Variants in CFAP77 observed in about 807,000 individuals in gnomAD.
CFAP77 encodes the protein cilia and flagella associated protein 77.
Under a neutral mutation model 31.1 loss-of-function variants are expected in CFAP77, and 25 were observed. The observed-to-expected ratio is 0.80, with a 90% CI of 0.59 to 1.12. The LOEUF (loss-of-function observed/expected upper bound fraction) is 1.12, where lower values mean the gene tolerates loss of function less well. Ranked by LOEUF, CFAP77 falls within the 50% of genes most tolerant of loss-of-function variation. The pLI is 0.00. For synonymous variants in CFAP77, 151 were observed against 159.9 expected, an observed-to-expected ratio of 0.94 and a Z score of 0.42; for missense variants, 377 against 397.3, an observed-to-expected ratio of 0.95 and a Z score of 0.44.
rs140952411 is a variant in CFAP77 at position 132,522,178 on chromosome 9, A to C, written c.525-15423A>C. On this transcript the variant is annotated intron_variant, in intron 3 of 5. Transcript: ENST00000393216. ...GGTGTCTGGGAAAGTCTGGGGTCCT[A>C]TATGAAAATAGCCAGGGCCCCTGGA... 5.3e-5 allele frequency among the ~76,000 whole-genome samples: 8 copies of C among 152,300 alleles called. No homozygotes were observed. In the East Asian group the frequency reaches 1.5e-3, roughly 29 times the overall value.
chr9:132,559,346 CAAAAAA>C (rs35737685), intron 5 of CFAP77, among the ~76,000 whole-genome samples: 4 of 56,082 alleles, frequency 7.1e-5, no homozygotes, highest in South Asian at 6.7e-4. Context: ...CTCTGTCTTG[CAAAAAA>C]AAAAAAAAAA....
At chr9:132,492,989 C>G (rs923112872) in intron 1 of CFAP77, among the ~76,000 whole-genome samples, 2 of 152,168 alleles carry the variant, frequency 1.3e-5, no homozygotes, top group Non-Finnish European at 2.9e-5. Flanking sequence ...TGGGCGGACA[C>G]AGCCATGCTC....
chr9:132,524,671 C>T (rs762271619), intron 3 of CFAP77, among the ~76,000 whole-genome samples: 1 of 151,838 alleles, frequency 6.6e-6, no homozygotes, highest in Non-Finnish European at 1.5e-5. Context: ...TTTATTGAGG[C>T]AGAGTCTCGC....
chr9:132,510,988 C>T (rs923709491), intron 3 of CFAP77, among the ~76,000 whole-genome samples: 6 of 152,214 alleles, frequency 3.9e-5, no homozygotes, highest in South Asian at 2.1e-4. Flanking sequence ...AAAGGGGTCA[C>T]GCTGGGATCT....
chr9:132,520,755 T>A (rs1589903694), intron 3 of CFAP77, among the ~76,000 whole-genome samples: 1 of 152,224 alleles, frequency 6.6e-6, no homozygotes, highest in East Asian at 1.9e-4. Context: ...TGGCCTCAGG[T>A]CCGGTGTGGA....
intron 1 of CFAP77, among the ~76,000 whole-genome samples, chr9:132,410,847 T>C (rs955265622): frequency 6.6e-6 from 1 of 152,202 alleles, no homozygotes; most frequent in African/African-American, 2.4e-5. Context: ...AAGTCGTGGC[T>C]GCCAGCCCTC....
At chr9:132,474,929 A>G (rs1008020026) in intron 1 of CFAP77, among the ~76,000 whole-genome samples, 2 of 152,244 alleles carry the variant, frequency 1.3e-5, no homozygotes, top group African/African-American at 4.8e-5. Context: ...TAATAAGTCA[A>G]TAAGAAAGCT....
intron 1 of CFAP77, among the ~76,000 whole-genome samples, chr9:132,473,636 C>T (rs1385169147): frequency 6.6e-6 from 1 of 152,182 alleles, no homozygotes; most frequent in Admixed American, 6.5e-5. Flanking sequence ...TTCCCCAGTG[C>T]AGGCGAAGGG....
intron 3 of CFAP77, among the ~76,000 whole-genome samples, chr9:132,531,373 C>G (rs1044006256): frequency 1.6e-4 from 25 of 152,212 alleles, no homozygotes; most frequent in Non-Finnish European, 3.1e-4. Context: ...GAGCGCCCCC[C>G]GCGTGGGAGG....
chr9:132,447,851 C>G (rs754714956), intron 1 of CFAP77, among the ~76,000 whole-genome samples: 12 of 152,192 alleles, frequency 7.9e-5, no homozygotes, highest in Non-Finnish European at 1.6e-4. Flanking sequence ...AATAAAACCA[C>G]CCAACATTCA....
Position 132,421,017 on chromosome 9 carries a change from TTTTTTTTTGA to T in CFAP77, c.195+10552_195+10561del, listed in dbSNP as rs1158197302. 3.2e-3 allele frequency among the ~76,000 whole-genome samples: 448 copies of T among 142,030 alleles called. 3 individuals are homozygous for T. Among genetic ancestry groups the T allele is most frequent in the Admixed American group, 8.2e-3 (116 of 14,096 alleles). The allele number at this position is 142,030 out of a possible 152,430, so 93.2% of individuals were successfully genotyped here. A position where few individuals can be genotyped will look rare whatever the true frequency, so the allele number is the denominator to read the frequency against. ...TGGCTTGTGTCTTTTTTTTTTTTTT[TTTTTTTTTGA>T]GACAGAGTCTCGCTTTGTCACCCAG... On this transcript the variant is annotated intron_variant, in intron 1 of 5. Transcript: ENST00000393216.
intron 1 of CFAP77, among the ~76,000 whole-genome samples, chr9:132,494,703 G>A (rs1164307780): frequency 2.6e-5 from 4 of 152,196 alleles, no homozygotes; most frequent in Non-Finnish European, 5.9e-5. Context: ...CTTTCACCAA[G>A]TGCATGAGTA....
chr9:132,567,932 G>A (rs1381600839), intron 5 of CFAP77, among the ~76,000 whole-genome samples: 2 of 152,074 alleles, frequency 1.3e-5, no homozygotes, highest in Non-Finnish European at 2.9e-5. Flanking sequence ...ATTTCATCTC[G>A]AGATCTTTAA....
intron 5 of CFAP77, among the ~76,000 whole-genome samples, chr9:132,547,991 A>G (rs1852760774): frequency 6.6e-6 from 1 of 152,154 alleles, no homozygotes; most frequent in African/African-American, 2.4e-5. Flanking sequence ...CCTTCTGCCC[A>G]AAGATGGAGA....
intron 1 of CFAP77, among the ~76,000 whole-genome samples, chr9:132,469,908 C>G (rs912702734): frequency 6.8e-6 from 1 of 147,686 alleles, no homozygotes; most frequent in Non-Finnish European, 1.5e-5. Context: ...GGTGTGATCA[C>G]GGCTCACCAC....
chr9:132,493,073 G>A (rs186609213), intron 1 of CFAP77, among the ~76,000 whole-genome samples: 2 of 152,280 alleles, frequency 1.3e-5, no homozygotes, highest in Non-Finnish European at 1.5e-5. Context: ...GCCTCCGGCT[G>A]TGCCCAAGTG....
chr9:132,467,998 G>A (rs1489430510), intron 1 of CFAP77, among the ~76,000 whole-genome samples: 1 of 151,970 alleles, frequency 6.6e-6, no homozygotes, highest in Admixed American at 6.6e-5. Context: ...TGGATCTGAT[G>A]AGCTCACTCC....
At chr9:132,486,814 C>T (rs904217178) in intron 1 of CFAP77, among the ~76,000 whole-genome samples, 3 of 152,254 alleles carry the variant, frequency 2.0e-5, no homozygotes, top group Non-Finnish European at 4.4e-5. Context: ...CATGTAAATG[C>T]AAATGAAGGA....
At chr9:132,461,118 C>T (rs995649600) in intron 1 of CFAP77, among the ~76,000 whole-genome samples, 17 of 152,308 alleles carry the variant, frequency 1.1e-4, no homozygotes, top group South Asian at 2.1e-4. Context: ...CAAAGCCCTC[C>T]GCACAGTGCC....
Sources: gnomAD v4.1 joint callset for allele counts (sites outside exome capture counted in the v4.1 genomes callset) on GRCh38, gnomAD v4.1.1 for gene constraint, MANE v1.5 for transcripts, NCBI Gene and HGNC (gene_info 2026-07-23, HGNC 2026-07-21) for gene names.